The following ARL15 variants were observed in gnomAD, a reference collection of about 807,000 sequenced individuals.
ARL15 encodes the protein ARF like GTPase 15.
ARL15 carries 19 observed loss-of-function variants against 25.2 expected under a neutral mutation model. The observed-to-expected ratio is 0.75, with a 90% CI of 0.53 to 1.10. The LOEUF (loss-of-function observed/expected upper bound fraction) is 1.10, where lower values mean the gene tolerates loss of function less well. ARL15 is among the 50% of genes least tolerant of loss of function. The pLI, the probability that ARL15 is intolerant of heterozygous loss-of-function variation, is 0.00. For synonymous variants in ARL15, 94 were observed against 86.8 expected (o/e 1.08, Z -0.46); for missense variants, 220 against 246.0 (o/e 0.89, Z 0.71).
At chr5:54,217,531 A>G (rs1756243527) in intron 1 of ARL15, among the ~76,000 whole-genome samples, 1 of 152,144 alleles carries the variant, frequency 6.6e-6, no homozygotes, top group Non-Finnish European at 1.5e-5. Flanking sequence ...CTTTCCAAAT[A>G]AAAACTGTAG....
intron 1 of ARL15, among the ~76,000 whole-genome samples, chr5:54,281,852 T>C (rs1283922026): frequency 6.6e-6 from 1 of 152,262 alleles, no homozygotes; most frequent in Non-Finnish European, 1.5e-5. Context: ...GTTTGTGAGA[T>C]ACATCCACGG....
chr5:54,293,649 C>T (rs958674106), intron 1 of ARL15, among the ~76,000 whole-genome samples: 5 of 152,162 alleles, frequency 3.3e-5, no homozygotes, highest in African/African-American at 1.2e-4. Flanking sequence ...TCTGTGATGT[C>T]CCTAACAGGC....
intron 4 of ARL15, among the ~76,000 whole-genome samples, chr5:53,945,116 C>T (rs1327826435): frequency 2.0e-5 from 3 of 152,156 alleles, no homozygotes; most frequent in Non-Finnish European, 4.4e-5. Context: ...TCAGCTTCCT[C>T]GTCTCTACTC....
chr5:54,237,127 A>T (rs977387873), intron 1 of ARL15, among the ~76,000 whole-genome samples: 2 of 152,224 alleles, frequency 1.3e-5, no homozygotes, highest in African/African-American at 4.8e-5. Context: ...TAATTGAATC[A>T]TGGGAGTGGG....
intron 1 of ARL15, among the ~76,000 whole-genome samples, chr5:54,268,254 C>A (rs559052986): frequency 6.6e-6 from 1 of 152,068 alleles, no homozygotes; most frequent in Non-Finnish European, 1.5e-5. Context: ...TCCAGTTGAT[C>A]GCATCGGCTC....
intron 1 of ARL15, among the ~76,000 whole-genome samples, chr5:54,212,805 T>C (rs988818558): frequency 6.6e-6 from 1 of 152,160 alleles, no homozygotes; most frequent in Non-Finnish European, 1.5e-5. Context: ...GTGAATCTAC[T>C]GTTAGCTACC....
At chr5:54,038,365 T>G (rs1193503374) in intron 4 of ARL15, among the ~76,000 whole-genome samples, 2 of 152,100 alleles carry the variant, frequency 1.3e-5, no homozygotes, top group Non-Finnish European at 2.9e-5. Context: ...AAGTGCATCT[T>G]TACCAATACT....
At chr5:54,222,593 G>A (rs1756408394) in intron 1 of ARL15, among the ~76,000 whole-genome samples, 2 of 152,220 alleles carry the variant, frequency 1.3e-5, no homozygotes, top group Admixed American at 1.3e-4. Context: ...TGGTATGAAA[G>A]TATTTGTGCT....
chr5:54,179,498 G>A (rs1470779776), intron 1 of ARL15, among the ~76,000 whole-genome samples: 1 of 152,098 alleles, frequency 6.6e-6, no homozygotes, highest in Non-Finnish European at 1.5e-5. Context: ...TCTCATTCCA[G>A]GCAAAAGGGA....
At chr5:54,267,564 TA>T (rs1757662815) in intron 1 of ARL15, among the ~76,000 whole-genome samples, 1 of 152,190 alleles carries the variant, frequency 6.6e-6, no homozygotes, top group African/African-American at 2.4e-5. Context: ...GATTTATAAA[TA>T]AAACTGTTAA....
intron 4 of ARL15, among the ~76,000 whole-genome samples, chr5:53,919,336 T>C (rs1179956757): frequency 6.6e-6 from 1 of 152,194 alleles, no homozygotes; most frequent in African/African-American, 2.4e-5. Flanking sequence ...TGCAGAATGG[T>C]TTGCAGAACC....
At chr5:53,940,918 A>G (rs1001977525) in intron 4 of ARL15, among the ~76,000 whole-genome samples, 24 of 152,198 alleles carry the variant, frequency 1.6e-4, no homozygotes, top group African/African-American at 5.5e-4. Flanking sequence ...CAAAAATTGT[A>G]CTAGGTCAAG....
chr5:54,065,934 A>C (rs1445364807), intron 4 of ARL15, among the ~76,000 whole-genome samples: 1 of 152,196 alleles, frequency 6.6e-6, no homozygotes, highest in African/African-American at 2.4e-5. Context: ...CATGGCTCAC[A>C]TTTGTGGTCT....
At chr5:54,071,157 G>A (rs1254016748) in intron 4 of ARL15, among the ~76,000 whole-genome samples, 4 of 144,024 alleles carry the variant, frequency 2.8e-5, no homozygotes, top group African/African-American at 1.1e-4. Flanking sequence ...ATGACAACGT[G>A]AGACCCTGTC....
At chr5:54,270,429 T>C (rs903892544) in intron 1 of ARL15, among the ~76,000 whole-genome samples, 3 of 152,200 alleles carry the variant, frequency 2.0e-5, no homozygotes, top group Non-Finnish European at 4.4e-5. Context: ...GAACAATGAT[T>C]TTCTTAGACT....
chr5:54,081,195 C>A (rs761918781), intron 4 of ARL15, among the ~76,000 whole-genome samples: 2 of 152,020 alleles, frequency 1.3e-5, no homozygotes, highest in South Asian at 2.1e-4. Context: ...TGAAAGTATG[C>A]GTTATATAAA....
intron 4 of ARL15, among the ~76,000 whole-genome samples, chr5:54,112,490 T>C (rs1752770744): frequency 6.6e-6 from 1 of 152,194 alleles, no homozygotes. Context: ...TATAAAGGAA[T>C]ACATCAGGAG....
intron 4 of ARL15, among the ~76,000 whole-genome samples, chr5:54,079,691 C>T (rs114026660): frequency 1.0e-3 from 156 of 152,146 alleles, no homozygotes; most frequent in African/African-American, 3.6e-3. Context: ...ATATTAAGGC[C>T]AGGCATGGTG....
At chr5:54,112,290 C>T (rs1752765293) in intron 4 of ARL15, among the ~76,000 whole-genome samples, 1 of 152,100 alleles carries the variant, frequency 6.6e-6, no homozygotes, top group African/African-American at 2.4e-5. Context: ...CAAGAATAGG[C>T]TATCTGCCGT....
Sources: gnomAD v4.1 joint callset for allele counts (sites outside exome capture counted in the v4.1 genomes callset) on GRCh38, gnomAD v4.1.1 for gene constraint, MANE v1.5 for transcripts, NCBI Gene and HGNC (gene_info 2026-07-23, HGNC 2026-07-21) for gene names.